TAOK1: variants seen among roughly 807,000 people sequenced by gnomAD.
TAOK1 encodes the protein serine/threonine-protein kinase TAO1.
In TAOK1, 21 loss-of-function variants were observed where a neutral mutation model predicts 138.3. The observed-to-expected ratio is 0.15, with a 90% confidence interval of 0.11 to 0.22. The LOEUF (loss-of-function observed/expected upper bound fraction) is 0.22, where lower values mean the gene tolerates loss of function less well. Among genes scored for constraint, TAOK1 ranks in the 10% least tolerant of loss-of-function variants. The probability of loss-of-function intolerance (pLI) is 1.00; values close to 1 mark genes in which losing one functional copy is unlikely to be tolerated. For missense variants in TAOK1, 651 were observed against 1,227.7 expected (o/e 0.53, Z 7.02); for synonymous variants, 361 against 398.4 (o/e 0.91, Z 1.12).
chr17:29,496,735 G>A (rs560368926), intron 11 of TAOK1, among the ~76,000 whole-genome samples: 4 of 151,152 alleles, frequency 2.6e-5, no homozygotes, highest in South Asian at 4.2e-4. Context: ...CTACAGGTGC[G>A]CCACCACGCC....
chr17:29,520,720 A>T (rs28758433), intron 16 of TAOK1, among the ~76,000 whole-genome samples: 3 of 148,876 alleles, frequency 2.0e-5, no homozygotes, highest in Admixed American at 6.7e-5. Flanking sequence ...CAGCCAAAAA[A>T]TTTTTTTTTA....
At chr17:29,451,225 A>T (rs1347736544) in intron 1 of TAOK1, among the ~76,000 whole-genome samples, 2 of 152,208 alleles carry the variant, frequency 1.3e-5, no homozygotes, top group Non-Finnish European at 2.9e-5. Flanking sequence ...CTCCCAAGAT[A>T]CAAAGATTAT....
chr17:29,524,355 C>T (rs554539361), intron 17 of TAOK1, among the ~76,000 whole-genome samples: 11 of 152,222 alleles, frequency 7.2e-5, no homozygotes, highest in Admixed American at 5.2e-4. Context: ...AAAGTCATAC[C>T]GTAAATCTGA....
intron 2 of TAOK1, among the ~76,000 whole-genome samples, chr17:29,463,398 C>A (rs2030576964): frequency 1.3e-5 from 2 of 152,012 alleles, no homozygotes; most frequent in African/African-American, 4.8e-5. Context: ...GGCGAAACCC[C>A]ATCTTTACTG....
intron 17 of TAOK1, among the ~76,000 whole-genome samples, chr17:29,524,759 T>C (rs1469673017): frequency 6.6e-6 from 1 of 152,194 alleles, no homozygotes; most frequent in African/African-American, 2.4e-5. Flanking sequence ...CTGTGTTTGA[T>C]GGAGGAGAGG....
At chr17:29,532,772 G>C (rs1307023725) in intron 18 of TAOK1, among the ~76,000 whole-genome samples, 2 of 151,936 alleles carry the variant, frequency 1.3e-5, no homozygotes, top group Non-Finnish European at 2.9e-5. Flanking sequence ...GCAACCATCC[G>C]ATTTCTCAAT....
At chr17:29,421,016 GC>G (rs1287834714) in intron 1 of TAOK1, among the ~76,000 whole-genome samples, 1 of 152,062 alleles carries the variant, frequency 6.6e-6, no homozygotes, top group African/African-American at 2.4e-5. Context: ...TGCAACCTCT[GC>G]CTCCCAGGTT....
At chr17:29,521,373 G>T (rs900877952) in intron 16 of TAOK1, among the ~76,000 whole-genome samples, 2 of 152,208 alleles carry the variant, frequency 1.3e-5, no homozygotes, top group African/African-American at 2.4e-5. Context: ...AATGACATTT[G>T]TTGAGTACCA....
At chr17:29,396,891 C>G (rs1298105961) in intron 1 of TAOK1, among the ~76,000 whole-genome samples, 1 of 148,224 alleles carries the variant, frequency 6.7e-6, no homozygotes, top group Non-Finnish European at 1.5e-5. Context: ...ACTTGGGAGG[C>G]TGAGGCAGGA....
chr17:29,429,190 A>G (rs554366908), intron 1 of TAOK1, among the ~76,000 whole-genome samples: 1 of 152,324 alleles, frequency 6.6e-6, no homozygotes, highest in Non-Finnish European at 1.5e-5. Context: ...GAATTTTAAA[A>G]TAAGCCTTTT....
chr17:29,439,203 T>C (rs1008995588), intron 1 of TAOK1, among the ~76,000 whole-genome samples: 8 of 144,648 alleles, frequency 5.5e-5, no homozygotes, highest in South Asian at 2.1e-4. Context: ...TTCTTTCTTT[T>C]TTTTTTTTTT....
Position 29,547,672 on chromosome 17 carries a change from C to G in TAOK1, c.*4650C>G. 6.6e-6 allele frequency: 1 copy of G among 152,100 alleles called. No homozygotes were observed. Among genetic ancestry groups the G allele is most frequent in the Non-Finnish European group, 1.5e-5 (1 of 67,974 alleles). 9.4% of individuals were successfully genotyped at this position (152,100 alleles called of 1,614,324 possible). On this transcript the variant is annotated 3_prime_UTR_variant, in exon 20 of 20. Transcript: ENST00000261716. ...GCAATGTCAAAACTTGGGCTGTCAT[C>G]TTTGAGCTGTTTACCAAAATACAGA...
At chr17:29,522,202 G>T in intron 16 of TAOK1, 78 bp from the exon 17 acceptor site, 1 of 1,538,842 alleles carries the variant, frequency 6.5e-7, no homozygotes, top group Non-Finnish European at 8.8e-7. Flanking sequence ...CTGTTTACTG[G>T]TTATTCTGTT....
At chr17:29,523,855 T>A (rs1294543103) in intron 17 of TAOK1, among the ~76,000 whole-genome samples, 1 of 152,214 alleles carries the variant, frequency 6.6e-6, no homozygotes, top group Non-Finnish European at 1.5e-5. Flanking sequence ...CAGCCCTTTT[T>A]ATAAGCTATT....
chr17:29,489,019 T>A (rs1242037094), intron 8 of TAOK1, among the ~76,000 whole-genome samples: 2 of 152,220 alleles, frequency 1.3e-5, no homozygotes, highest in African/African-American at 2.4e-5. Context: ...TTGGGACATC[T>A]GAATGAAACT....
At chr17:29,439,386 G>A (rs540177417) in intron 1 of TAOK1, among the ~76,000 whole-genome samples, 157 of 151,948 alleles carry the variant, frequency 1.0e-3, no homozygotes, top group Non-Finnish European at 1.9e-3. Flanking sequence ...TGTATTTTTA[G>A]TAGAGATAGG....
chr17:29,426,520 TAGAGGAA>T (rs1173294886), intron 1 of TAOK1, among the ~76,000 whole-genome samples: 1 of 152,020 alleles, frequency 6.6e-6, no homozygotes, highest in Non-Finnish European at 1.5e-5. Context: ...AGTAAAAGGC[TAGAGGAA>T]AGAGAATATG....
intron 1 of TAOK1, among the ~76,000 whole-genome samples, chr17:29,397,647 T>TTCATGTATGATACATGTATACATGTATAC (rs1384681685): frequency 0.012 from 713 of 61,360 alleles, 32 homozygotes; most frequent in African/African-American, 0.037. Context: ...TACATGTATA[T>TTCATGTATGATACATGTATACATGTATAC]ATGTATATTC....
chr17:29,396,447 G>C (rs972887918), intron 1 of TAOK1, among the ~76,000 whole-genome samples: 1 of 151,602 alleles, frequency 6.6e-6, no homozygotes, highest in East Asian at 1.9e-4. Flanking sequence ...GCCAGTGACC[G>C]TTATGCTGTA....
Sources: gnomAD v4.1 joint callset for allele counts (sites outside exome capture counted in the v4.1 genomes callset) on GRCh38, gnomAD v4.1.1 for gene constraint, MANE v1.5 for transcripts, NCBI Gene and HGNC (gene_info 2026-07-23, HGNC 2026-07-21) for gene names.